ZBTB7C: variants seen among roughly 807,000 people sequenced by gnomAD.
ZBTB7C encodes the protein zinc finger and BTB domain-containing protein 7C.
ZBTB7C carries 8 observed loss-of-function variants against 25.7 expected under a neutral mutation model. That is an observed-to-expected ratio of 0.31 (90% CI 0.18 to 0.56). ZBTB7C has a LOEUF of 0.56. ZBTB7C is among the 20% of genes least tolerant of loss of function. ZBTB7C has a pLI of 0.91. For missense variants in ZBTB7C, 824 were observed against 855.2 expected (o/e 0.96, Z 0.46); for synonymous variants, 394 against 369.0 (o/e 1.07, Z -0.78).
chr18:48,193,861 A>G (rs192411173), intron 2 of ZBTB7C, among the ~76,000 whole-genome samples: 6 of 152,328 alleles, frequency 3.9e-5, no homozygotes, highest in African/African-American at 1.2e-4. Context: ...CCCAGCAAGC[A>G]TTTATGGAGG....
chr18:48,339,704 C>T (rs554660587), intron 1 of ZBTB7C, among the ~76,000 whole-genome samples: 1 of 151,998 alleles, frequency 6.6e-6, no homozygotes, highest in East Asian at 1.9e-4. Flanking sequence ...CCTGTTTGCC[C>T]TGCTATGGGG....
At chr18:48,314,078 A>G (rs1598849365) in intron 2 of ZBTB7C, among the ~76,000 whole-genome samples, 2 of 152,344 alleles carry the variant, frequency 1.3e-5, no homozygotes, top group South Asian at 2.1e-4. Context: ...CAAAACGGTA[A>G]GCCAATTAAA....
At chr18:48,187,912 G>T (rs1053246507) in intron 2 of ZBTB7C, among the ~76,000 whole-genome samples, 1 of 151,874 alleles carries the variant, frequency 6.6e-6, no homozygotes, top group Admixed American at 6.6e-5. Context: ...TTGTTTAATG[G>T]GGACAGAGCT....
intron 3 of ZBTB7C, among the ~76,000 whole-genome samples, chr18:48,154,545 G>A (rs1017583530): frequency 1.3e-5 from 2 of 152,212 alleles, no homozygotes; most frequent in Non-Finnish European, 2.9e-5. Context: ...TCCCTCTCCC[G>A]ACTTAACAGT....
chr18:48,131,794 G>T (rs2039993488), intron 3 of ZBTB7C, among the ~76,000 whole-genome samples: 1 of 152,210 alleles, frequency 6.6e-6, no homozygotes. Context: ...AAGCATGGCT[G>T]AGCTGATCCC....
At chr18:48,364,392 G>A (rs2047177994) in intron 1 of ZBTB7C, among the ~76,000 whole-genome samples, 1 of 152,156 alleles carries the variant, frequency 6.6e-6, no homozygotes, top group African/African-American at 2.4e-5. Context: ...TCCACCCACA[G>A]GAGGCAGCAT....
intron 2 of ZBTB7C, among the ~76,000 whole-genome samples, chr18:48,318,673 G>T: frequency 6.6e-6 from 1 of 152,210 alleles, no homozygotes; most frequent in Middle Eastern, 3.2e-3. Context: ...TGGGGCAGGG[G>T]CGATTGTTCT....
chr18:48,143,794 G>C (rs909514949), intron 3 of ZBTB7C, among the ~76,000 whole-genome samples: 3 of 152,156 alleles, frequency 2.0e-5, no homozygotes, highest in Admixed American at 1.3e-4. Flanking sequence ...TCAGTTCAGC[G>C]AGGATCCCCC....
chr18:48,165,864 A>C (rs2041227583), intron 3 of ZBTB7C, among the ~76,000 whole-genome samples: 1 of 152,168 alleles, frequency 6.6e-6, no homozygotes, highest in South Asian at 2.1e-4. Flanking sequence ...ACTTGGGTAA[A>C]GGGTGGGGAG....
chr18:48,376,050 G>C (rs1191493006), intron 1 of ZBTB7C, among the ~76,000 whole-genome samples: 1 of 152,236 alleles, frequency 6.6e-6, no homozygotes, highest in African/African-American at 2.4e-5. Context: ...TGCTTCTGCA[G>C]TTCTGGGGTG....
Position 48,040,495 on chromosome 18 carries a change from T to TGGGG in ZBTB7C, c.609_612dup (p.Arg205ProfsTer6), listed in dbSNP as rs2036179491. On this transcript the variant is annotated frameshift_variant, in exon 4 of 5. Transcript: ENST00000590800. LOFTEE classifies it high-confidence loss of function. Reference sequence around the variant, plus strand: ...GCCTGGAAGGAGTCAGGGAAGTCCCTGGGGGTGTCTGAATAGGCCTTCTCT... The same window carrying TGGGG: ...GCCTGGAAGGAGTCAGGGAAGTCCCTGGGGGGGGGTGTCTGAATAGGCCTTCTCT... 1 of 1,612,914 alleles carries TGGGG rather than the reference T, an allele frequency of 6.2e-7. No homozygotes were observed.
chr18:48,148,050 G>A (rs11660636), intron 3 of ZBTB7C: 25,964 of 151,990 alleles, frequency 0.17, 2,333 homozygotes, highest in South Asian at 0.24. Flanking sequence ...GGGCTGGAGT[G>A]CAATGGCACG....
chr18:48,385,991 G>A (rs761593430), intron 1 of ZBTB7C, among the ~76,000 whole-genome samples: 4 of 152,086 alleles, frequency 2.6e-5, no homozygotes, highest in Non-Finnish European at 4.4e-5. Flanking sequence ...TACAATATGT[G>A]AACTAGAAGG....
chr18:48,335,082 C>T (rs2046430842), intron 2 of ZBTB7C, among the ~76,000 whole-genome samples: 1 of 152,202 alleles, frequency 6.6e-6, no homozygotes, highest in African/African-American at 2.4e-5. Context: ...GATAAAGGGG[C>T]ACCACAGGCA....
At chr18:48,221,066 C>T in intron 2 of ZBTB7C, among the ~76,000 whole-genome samples, 1 of 150,806 alleles carries the variant, frequency 6.6e-6, no homozygotes, top group Middle Eastern at 3.4e-3. Flanking sequence ...CTTGTCTCCT[C>T]TATACTGTCC....
Position 48,029,212 on chromosome 18 carries a change from A to G in ZBTB7C, c.*48T>C. On this transcript the variant is annotated 3_prime_UTR_variant, in exon 5 of 5. Coordinates refer to ENST00000590800, the MANE Select transcript of ZBTB7C (RefSeq NM_001318841.2). ...ATGGGGTAGGGTAGAGTGGGCCTGG[A>G]GGGAGAAGGACTGGAGGGCTGGTGG... 6.7e-7 allele frequency: 1 copy of G among 1,501,574 alleles called. No individual in the cohort carries two copies. Among genetic ancestry groups the G allele is most frequent in the Admixed American group, 2.4e-5 (1 of 40,872 alleles). 93.0% of individuals were successfully genotyped at this position (1,501,574 alleles called of 1,614,324 possible).
At chr18:48,279,617 A>T (rs2044771632) in intron 2 of ZBTB7C, among the ~76,000 whole-genome samples, 1 of 152,046 alleles carries the variant, frequency 6.6e-6, no homozygotes, top group South Asian at 2.1e-4. Context: ...ACAAGGGACA[A>T]CCTCCCCAAA....
chr18:48,163,007 T>C (rs1419912988), intron 3 of ZBTB7C, among the ~76,000 whole-genome samples: 1 of 152,170 alleles, frequency 6.6e-6, no homozygotes, highest in Non-Finnish European at 1.5e-5. Flanking sequence ...AAGGGTGGGA[T>C]GTCAGGCACT....
intron 3 of ZBTB7C, among the ~76,000 whole-genome samples, chr18:48,059,807 T>C (rs1384772827): frequency 6.6e-6 from 1 of 152,136 alleles, no homozygotes; most frequent in Non-Finnish European, 1.5e-5. Flanking sequence ...TGCTGCTCCT[T>C]TGAAAACAGC....
Sources: gnomAD v4.1 joint callset for allele counts (sites outside exome capture counted in the v4.1 genomes callset) on GRCh38, gnomAD v4.1.1 for gene constraint, MANE v1.5 for transcripts, NCBI Gene and HGNC (gene_info 2026-07-23, HGNC 2026-07-21) for gene names.